The following TMEM161B variants were observed in gnomAD, a reference collection of about 807,000 sequenced individuals.
TMEM161B encodes transmembrane protein 161B.
A neutral mutation model predicts 61.8 loss-of-function variants in TMEM161B; 34 were observed. The observed-to-expected ratio is 0.55, with a 90% confidence interval of 0.42 to 0.73. The LOEUF (loss-of-function observed/expected upper bound fraction) is 0.73. TMEM161B is among the 30% of genes least tolerant of loss of function. The pLI is 0.00. For missense variants in TMEM161B, 456 were observed against 558.5 expected, an observed-to-expected ratio of 0.82 and a Z score of 1.85; for synonymous variants, 167 against 192.8, an observed-to-expected ratio of 0.87 and a Z score of 1.11.
At position 88,224,959 on chromosome 5, in the gene TMEM161B, G is replaced by GTTTTTTTTTTTTT. The variant is rs202011902; in HGVS notation, c.289+809_289+810insAAAAAAAAAAAAA. The stretch of plus-strand genomic sequence containing the variant: ...ATAATACACATAACACACAAAATAT[G>GTTTTTTTTTTTTT]TTTTTGTTTTTTTTTTTTTTTTTTT... On this transcript the variant is annotated intron_variant, in intron 4 of 11. Transcript: ENST00000296595. 4.9e-5 allele frequency among the ~76,000 whole-genome samples: 5 copies of GTTTTTTTTTTTTT among 101,202 alleles called. 1 individual carries two copies. Among genetic ancestry groups the GTTTTTTTTTTTTT allele is most frequent in the African/African-American group, 1.5e-4 (4 of 25,838 alleles). The allele number at this position is 101,202 out of a possible 152,430, so 66.4% of individuals were successfully genotyped here.
At chr5:88,191,825 C>T (rs751887661), downstream of TMEM161B, among the ~76,000 whole-genome samples, 16 of 150,350 alleles carry the variant, frequency 1.1e-4, no homozygotes, top group Non-Finnish European at 1.9e-4. Flanking sequence ...GTCATGGTGG[C>T]GGGCGCCTGT....
chr5:88,264,317 A>G (rs563736002), intron 1 of TMEM161B, among the ~76,000 whole-genome samples: 2 of 152,364 alleles, frequency 1.3e-5, no homozygotes, highest in East Asian at 3.9e-4. Flanking sequence ...TATGTGGCCA[A>G]CAAACATGAA....
At chr5:88,229,489 GTTT>G (rs11368125) in intron 2 of TMEM161B, among the ~76,000 whole-genome samples, 1 of 143,240 alleles carries the variant, frequency 7.0e-6, no homozygotes, top group African/African-American at 2.6e-5. Flanking sequence ...CTAGTTATTG[GTTT>G]TTTTTTTTTT....
chr5:88,250,400 T>C (rs1455592190), intron 1 of TMEM161B, among the ~76,000 whole-genome samples: 4 of 152,094 alleles, frequency 2.6e-5, no homozygotes, highest in Non-Finnish European at 2.9e-5. Flanking sequence ...AGCCTATCAT[T>C]AATATTTCCC....
At chr5:88,264,288 C>G (rs575140046) in intron 1 of TMEM161B, among the ~76,000 whole-genome samples, 1 of 152,172 alleles carries the variant, frequency 6.6e-6, no homozygotes, top group East Asian at 1.9e-4. Flanking sequence ...TGAACAGACA[C>G]TTCTCAAAAG....
rs761260668 is a variant in TMEM161B at position 88,196,187 on chromosome 5, A to T, written c.*24T>A. 2.5e-6 allele frequency: 4 copies of T among 1,582,230 alleles called. No homozygotes were observed. In the East Asian group the frequency reaches 6.7e-5, roughly 27 times the overall value. On this transcript the variant is annotated 3_prime_UTR_variant, in exon 12 of 12. Coordinates refer to ENST00000296595, the MANE Select transcript of TMEM161B (RefSeq NM_153354.5). ...TATTTTAATTTAAAGGGTGATTTGG[A>T]TATGCTTTTTTGTTAACTGAGATTC... is the stretch of plus-strand genomic sequence containing the variant.
intron 4 of TMEM161B, chr5:88,221,719 G>C (rs927525541): frequency 2.2e-6 from 1 of 456,106 alleles, no homozygotes; most frequent in East Asian, 7.0e-5. Context: ...ACTTCTACCA[G>C]AGTGTAGTCC....
At position 88,206,508 on chromosome 5, in the gene TMEM161B, G is replaced by GGA; in HGVS notation, c.599-10_599-9insTC. On this transcript the variant is annotated splice_polypyrimidine_tract_variant and intron_variant, in intron 6 of 11. Coordinates refer to ENST00000296595, the MANE Select transcript of TMEM161B (RefSeq NM_153354.5). ...TGAAAAATTTGTAAACCCTGTGGGG[G>GGA]AAAAAAAAAAAAACAACAGATTACT... 1 of 1,307,898 alleles carries GGA rather than the reference G, an allele frequency of 7.6e-7. No homozygotes were observed. The highest frequency in any genetic ancestry group is 1.0e-6 in the Non-Finnish European group (1 of 962,762). 81.0% of individuals were successfully genotyped at this position (1,307,898 alleles called of 1,614,324 possible).
At position 88,203,074 on chromosome 5, in the gene TMEM161B, T is replaced by C. The variant is rs1049939383; in HGVS notation, c.802A>G (p.Thr268Ala). ...GCCAAGAAGTTGATATGAAGTAAAG[T>C]TCTGAAAGTACGTAAGAAATAAATA... is the stretch of plus-strand genomic sequence containing the variant. ...LNLATEKITQ[T>A]LLHINFLAPL... Residue 268 changes from threonine (T) to alanine (A), a missense_variant and splice_region_variant, in exon 9 of 12, where the codon ACT becomes GCT. This residue lies in a region of TMEM161B where 367 missense variants were observed against 427.3 expected (regional missense o/e 0.86). Coordinates refer to ENST00000296595, the MANE Select transcript of TMEM161B (RefSeq NM_153354.5). 1.9e-6 allele frequency: 3 copies of C among 1,548,652 alleles called. No homozygotes were observed. Among genetic ancestry groups the C allele is most frequent in the Non-Finnish European group, 8.9e-7 (1 of 1,121,852 alleles).
chr5:88,191,883 G>A (rs112894432), downstream of TMEM161B, among the ~76,000 whole-genome samples: 10,323 of 146,448 alleles, frequency 0.07, 496 homozygotes, highest in Non-Finnish European at 0.11. Context: ...CGTGAACCCG[G>A]GAGGCGGAGC....
At chr5:88,202,922 T>C (rs912929476) in intron 9 of TMEM161B, 40 bp downstream of exon 9, 5 of 1,285,818 alleles carry the variant, frequency 3.9e-6, no homozygotes, top group South Asian at 3.6e-5. Flanking sequence ...AGTAAAGCAG[T>C]TTTGGTGATA....
intron 1 of TMEM161B, among the ~76,000 whole-genome samples, chr5:88,259,719 T>C (rs571242249): frequency 6.6e-6 from 1 of 152,348 alleles, no homozygotes; most frequent in African/African-American, 2.4e-5. Context: ...AGTACTGCTA[T>C]GCCGGATAGT....
Position 88,189,910 on chromosome 5 carries a change from C to T in TMEM161B, c.*142G>A, listed in dbSNP as rs545170038. On this transcript the variant is annotated 3_prime_UTR_variant, in exon 13 of 13. Transcript: ENST00000514135. ...GTCTGATTCATCCGCTCCACCTTTC[C>T]GGAACTCTGAGGCCAGTAGGCAGCA... 1.2e-4 allele frequency: 71 copies of T among 602,970 alleles called. 1 individual carries two copies. Among genetic ancestry groups the T allele is most frequent in the Middle Eastern group, 4.4e-4 (1 of 2,288 alleles). 37.4% of individuals were successfully genotyped at this position (602,970 alleles called of 1,614,324 possible). A position where few individuals can be genotyped will look rare whatever the true frequency, so the allele number is the denominator to read the frequency against.
chr5:88,231,086 G>A (rs1444792574), intron 2 of TMEM161B, among the ~76,000 whole-genome samples: 1 of 152,202 alleles, frequency 6.6e-6, no homozygotes, highest in African/African-American at 2.4e-5. Context: ...ACACATTGAT[G>A]TGCCCAGAGG....
chr5:88,202,008 C>G (rs1370270680), intron 9 of TMEM161B: 1 of 396,276 alleles, frequency 2.5e-6, no homozygotes, highest in African/African-American at 2.1e-5. Context: ...TCTGATGAGG[C>G]AAAGCAGTGA....
At chr5:88,206,622 C>G (rs565252765) in intron 6 of TMEM161B, 123 bp from the exon 7 acceptor site, 46 of 961,118 alleles carry the variant, frequency 4.8e-5, no homozygotes, top group Non-Finnish European at 7.0e-5. Flanking sequence ...ACTAGCTTAG[C>G]TCTTTCATGT....
chr5:88,222,911 C>T (rs758409454), intron 4 of TMEM161B, among the ~76,000 whole-genome samples: 7 of 152,016 alleles, frequency 4.6e-5, no homozygotes, highest in Non-Finnish European at 7.4e-5. Flanking sequence ...AAACCCCATA[C>T]TTTCACCTAA....
chr5:88,211,912 G>T (rs1746877113), intron 5 of TMEM161B, among the ~76,000 whole-genome samples: 2 of 151,938 alleles, frequency 1.3e-5, no homozygotes, highest in Non-Finnish European at 2.9e-5. Context: ...CATAATCAAA[G>T]AAATTTTCTA....
intron 5 of TMEM161B, among the ~76,000 whole-genome samples, chr5:88,215,376 T>C (rs1747640380): frequency 6.6e-6 from 1 of 152,172 alleles, no homozygotes; most frequent in Non-Finnish European, 1.5e-5. Flanking sequence ...TAACTAAAGA[T>C]AAAAGATAGG....
Sources: gnomAD v4.1 joint callset for allele counts (sites outside exome capture counted in the v4.1 genomes callset) on GRCh38, gnomAD v4.1.1 for gene constraint, gnomAD v4.1.1 regional missense constraint, MANE v1.5 for transcripts, NCBI Gene and HGNC (gene_info 2026-07-23, HGNC 2026-07-21) for gene names.